Variants in ZNF831 observed in about 807,000 individuals in gnomAD.
ZNF831 encodes the protein zinc finger protein 831.
Under a neutral mutation model 95.8 loss-of-function variants are expected in ZNF831, and 59 were observed. The observed-to-expected ratio is 0.62, with a 90% CI of 0.50 to 0.77. The LOEUF is 0.77. Among genes scored for constraint, ZNF831 ranks in the 30% least tolerant of loss-of-function variants. The pLI is 0.00. For missense variants in ZNF831, 2,205 were observed against 2,164.0 expected, an observed-to-expected ratio of 1.02 and a Z score of -0.38; for synonymous variants, 961 against 925.5, an observed-to-expected ratio of 1.04 and a Z score of -0.70.
intron 4 of ZNF831, among the ~76,000 whole-genome samples, chr20:59,227,880 A>G (rs1375438617): frequency 6.6e-6 from 1 of 152,186 alleles, no homozygotes; most frequent in Non-Finnish European, 1.5e-5. Context: ...TAGAGAAGTT[A>G]AGTGACTTTA....
At chr20:59,146,002 T>C (rs537291322) in intron 1 of ZNF831, among the ~76,000 whole-genome samples, 1 of 152,260 alleles carries the variant, frequency 6.6e-6, no homozygotes, top group East Asian at 1.9e-4. Context: ...ATGTTCAGTG[T>C]AATGGTTTGA....
intron 1 of ZNF831, among the ~76,000 whole-genome samples, chr20:59,143,635 T>C (rs74729242): frequency 0.093 from 14,193 of 152,250 alleles, 768 homozygotes; most frequent in Non-Finnish European, 0.12. Flanking sequence ...AATTGCACCT[T>C]CGGGGTCCTT....
Position 59,215,644 on chromosome 20 carries a change from T to C in ZNF831, c.4027+8588T>C, listed in dbSNP as rs574887964. ...GACTTGCCCAGAGGCACCCAGATGA[T>C]TGATCTGGGGATCAGCACTGAGGCC... On this transcript the variant is annotated intron_variant, in intron 4 of 5. Transcript: ENST00000371030. Among the ~76,000 whole-genome samples the C allele has an allele frequency of 3.3e-5, 5 of 152,334 alleles. No individual in the cohort carries two copies. The South Asian group carries it at 1.0e-3, about 32-fold the overall frequency.
Position 59,192,810 on chromosome 20 carries a change from C to T in ZNF831, c.1791C>T (p.Ala597=), listed in dbSNP as rs754958305. ...AKRTAAREAM[A]GKGRAGGRKC... ...GAACTGCTGCGCGGGAGGCCATGGC[C>T]GGCAAGGGCAGAGCGGGCGGCAGGA... The change falls in exon 2 of 6, where the codon GCC becomes GCT. Residue 597 remains alanine, a synonymous_variant. Transcript: ENST00000371030. This position sits in a 1 kb window ranked among gnomAD's most constrained non-coding sequence, Gnocchi z 5.2. 8.0e-5 allele frequency: 129 copies of T among 1,611,236 alleles called. No individual in the cohort carries two copies. The highest frequency in any genetic ancestry group is 4.9e-4 in the Middle Eastern group (3 of 6,072).
At chr20:59,125,359 G>A (rs912251480) in intron 1 of ZNF831, among the ~76,000 whole-genome samples, 1 of 152,170 alleles carries the variant, frequency 6.6e-6, no homozygotes, top group African/African-American at 2.4e-5. Flanking sequence ...TTGCAGATCA[G>A]TTCACCCTAA....
At chr20:59,236,811 G>A (rs1484044557) in intron 4 of ZNF831, among the ~76,000 whole-genome samples, 2 of 152,100 alleles carry the variant, frequency 1.3e-5, no homozygotes, top group South Asian at 2.1e-4. Context: ...AATAATAAAA[G>A]CCAAAGTTTA....
At chr20:59,186,714 C>A (rs920989406) in intron 1 of ZNF831, among the ~76,000 whole-genome samples, 1 of 152,190 alleles carries the variant, frequency 6.6e-6, no homozygotes, top group African/African-American at 2.4e-5. Flanking sequence ...TCCGTTCTGG[C>A]AGCTACCTGT....
chr20:59,132,968 T>C (rs1439173995), intron 1 of ZNF831, among the ~76,000 whole-genome samples: 1 of 152,194 alleles, frequency 6.6e-6, no homozygotes, highest in African/African-American at 2.4e-5. Context: ...CCTCTGGTCC[T>C]GCATGACGTC....
Position 59,254,847 on chromosome 20 carries a change from A to G in ZNF831, c.*104A>G, listed in dbSNP as rs1988104380. 6.9e-7 allele frequency: 1 copy of G among 1,459,802 alleles called. No individual in the cohort carries two copies. The highest frequency in any genetic ancestry group is 2.3e-5 in the East Asian group (1 of 43,162). 90.4% of individuals were successfully genotyped at this position (1,459,802 alleles called of 1,614,324 possible). ...ACTAAACTCTATCTGTGAAACACCT[A>G]CAGATTAGGAAAGCCATTTTGAGTT... is the stretch of plus-strand genomic sequence containing the variant. On this transcript the variant is annotated 3_prime_UTR_variant, in exon 6 of 6. Transcript: ENST00000371030. The surrounding 1 kb of genome is among the most constrained non-coding windows in gnomAD (Gnocchi z 4.5).
At chr20:59,252,123 A>G (rs1432655676) in intron 4 of ZNF831, among the ~76,000 whole-genome samples, 2 of 152,258 alleles carry the variant, frequency 1.3e-5, no homozygotes, top group Non-Finnish European at 2.9e-5. Context: ...GTTATCAGAC[A>G]TGAAGGAGCT....
At chr20:59,173,657 CTCATTG>C (rs1356922757) in intron 1 of ZNF831, among the ~76,000 whole-genome samples, 3 of 152,170 alleles carry the variant, frequency 2.0e-5, no homozygotes, top group Non-Finnish European at 2.9e-5. Context: ...AGTCACATTT[CTCATTG>C]TCAAGGAGCT....
chr20:59,221,530 C>T (rs1272795573), intron 4 of ZNF831, among the ~76,000 whole-genome samples: 1 of 152,226 alleles, frequency 6.6e-6, no homozygotes, highest in East Asian at 1.9e-4. Flanking sequence ...ACCATTGCTT[C>T]CTGCAGTAGC....
chr20:59,228,410 C>A (rs900841210), intron 4 of ZNF831, among the ~76,000 whole-genome samples: 2 of 149,692 alleles, frequency 1.3e-5, no homozygotes, highest in African/African-American at 4.9e-5. Flanking sequence ...AGCCAACTAA[C>A]TTCCATGCTG....
intron 1 of ZNF831, among the ~76,000 whole-genome samples, chr20:59,184,933 G>T (rs1210630980): frequency 6.6e-6 from 1 of 152,176 alleles, no homozygotes; most frequent in East Asian, 1.9e-4. Context: ...TGTTTGTGGG[G>T]GGGAATTGGG....
At chr20:59,150,544 A>T (rs1054598659) in intron 2 of ZNF831, among the ~76,000 whole-genome samples, 4 of 152,232 alleles carry the variant, frequency 2.6e-5, no homozygotes, top group Admixed American at 6.5e-5. Flanking sequence ...TTTATAGATC[A>T]TCTATGAATA....
rs751635592 is a variant in ZNF831 at position 59,191,983 on chromosome 20, G to A, written c.964G>A (p.Ala322Thr). 2.5e-6 allele frequency: 4 copies of A among 1,606,954 alleles called. No homozygotes were observed. Among genetic ancestry groups the A allele is most frequent in the Non-Finnish European group, 3.4e-6 (4 of 1,177,696 alleles). The stretch of plus-strand genomic sequence containing the variant: ...CGCCCTGCAGCGGCAGCAGGCGACG[G>A]CAGCGGAGAAGCCCTGGGATGCCAA... ...PCALQRQQAT[A>T]AEKPWDAKAP... The change falls in exon 2 of 6, where the codon GCA (alanine) becomes ACA (threonine). Residue 322 changes from alanine to threonine, a missense_variant. By Grantham distance (58) the Ala-to-Thr change is moderately conservative. Transcript: ENST00000371030.
chr20:59,142,027 G>GTGT (rs1050866738), intron 1 of ZNF831, among the ~76,000 whole-genome samples: 5 of 152,138 alleles, frequency 3.3e-5, no homozygotes, highest in African/African-American at 1.2e-4. Flanking sequence ...TGGCTTAGTG[G>GTGT]TGTCTGTGTG....
intron 1 of ZNF831, among the ~76,000 whole-genome samples, chr20:59,144,330 G>GA (rs1198621479): frequency 2.2e-4 from 33 of 152,260 alleles, no homozygotes; most frequent in Non-Finnish European, 3.8e-4. Context: ...AAGGAGGCTG[G>GA]AGGGGTTGCT....
At chr20:59,170,559 C>T (rs1373660759) in intron 1 of ZNF831, among the ~76,000 whole-genome samples, 1 of 152,122 alleles carries the variant, frequency 6.6e-6, no homozygotes, top group Admixed American at 6.6e-5. Context: ...GGAATGTGGT[C>T]TATCTTGATG....
Sources: allele counts gnomAD v4.1 joint callset (sites outside exome capture counted in the v4.1 genomes callset), GRCh38; gene constraint gnomAD v4.1.1; non-coding constraint Gnocchi (gnomAD v3.1); transcripts MANE v1.5; gene names NCBI Gene and HGNC (gene_info 2026-07-23, HGNC 2026-07-21).